The following NUMBL variants were observed in gnomAD, a reference collection of about 807,000 sequenced individuals.
NUMBL encodes the protein NUMB like endocytic adaptor protein.
In NUMBL, 20 loss-of-function variants were observed where a neutral mutation model predicts 48.9. The ratio of observed to expected loss-of-function variants is 0.41; its 90% CI spans 0.29 to 0.59. NUMBL has a LOEUF of 0.59. Among genes scored for constraint, NUMBL ranks in the 20% least tolerant of loss-of-function variants. NUMBL has a pLI of 0.31. For missense variants in NUMBL, 660 were observed against 846.2 expected, an observed-to-expected ratio of 0.78 and a Z score of 2.73; for synonymous variants, 340 against 348.7, an observed-to-expected ratio of 0.98 and a Z score of 0.28.
At position 40,675,088 on chromosome 19, in the gene NUMBL, A is replaced by G. The variant is rs956326237; in HGVS notation, c.731-1439T>C. Among the ~76,000 whole-genome samples, 3 of 134,582 alleles carry G rather than the reference A, an allele frequency of 2.2e-5. No homozygotes were observed. In the South Asian group the frequency reaches 7.7e-4, roughly 35 times the overall value. The allele number at this position is 134,582 out of a possible 152,430, so 88.3% of individuals were successfully genotyped here. A position where few individuals can be genotyped will look rare whatever the true frequency, so the allele number is the denominator to read the frequency against. On this transcript the variant is annotated intron_variant, in intron 7 of 9. Coordinates refer to ENST00000252891, the MANE Select transcript of NUMBL (RefSeq NM_004756.5). ...AACCCGGGAGGCAGAGGTTGCAGTG[A>G]GCCGAGATCGCACCATTGCACTCCA... is the stretch of plus-strand genomic sequence containing the variant.
rs766397374 is a variant in NUMBL at position 40,684,472 on chromosome 19, T to C, written c.194A>G (p.Gln65Arg). 1 of 1,590,070 alleles carries C rather than the reference T, an allele frequency of 6.3e-7. No homozygotes were observed. Among genetic ancestry groups the C allele is most frequent in the Non-Finnish European group, 8.6e-7 (1 of 1,169,296 alleles). Reference protein sequence around the residue: ...AYVPEASRPHQWQADEDAVRK... With the variant: ...AYVPEASRPHRWQADEDAVRK... ...CACCGCGTCCTCGTCTGCCTGCCAC[T>C]GGTGCGGGCGCGACGCCTCGGGCAC... The change falls in exon 3 of 10, where the codon CAG (glutamine) becomes CGG (arginine). Residue 65 changes from glutamine to arginine, a missense_variant. Physicochemically the swap from Gln to Arg is conservative, Grantham distance 43. Transcript: ENST00000252891.
chr19:40,684,325 G>A (rs2081921989), intron 3 of NUMBL, 92 bp downstream of exon 3: 13 of 1,384,750 alleles, frequency 9.4e-6, no homozygotes, highest in Non-Finnish European at 1.1e-5. Flanking sequence ...AAACGACTTG[G>A]GCTGGTGTCC....
chr19:40,684,153 C>A, intron 3 of NUMBL: 1 of 385,246 alleles, frequency 2.6e-6, no homozygotes, highest in Non-Finnish European at 4.7e-6. Flanking sequence ...ACTGCAATCT[C>A]CGCCTCCCGG....
intron 6 of NUMBL, among the ~76,000 whole-genome samples, chr19:40,678,556 C>T (rs561353214): frequency 6.6e-6 from 1 of 152,236 alleles, no homozygotes; most frequent in Admixed American, 6.5e-5. Flanking sequence ...ATCTGCAAAC[C>T]AGGAAAAGAG....
At chr19:40,668,483 T>C (rs966443930) in intron 9 of NUMBL, among the ~76,000 whole-genome samples, 1 of 152,134 alleles carries the variant, frequency 6.6e-6, no homozygotes, top group African/African-American at 2.4e-5. Context: ...TTGTTGTCTG[T>C]TCGTTTTGAG....
rs1273559488 is a variant in NUMBL, at chr19:40,690,574, C to G, written c.-91G>C. ...GCGGTGGTGGCGGCGGCAGCTCGGT[C>G]TGACGCCGGCCAGGGCCCGGGGCCG... On this transcript the variant is annotated 5_prime_UTR_variant, in exon 1 of 10. Coordinates refer to ENST00000252891, the MANE Select transcript of NUMBL (RefSeq NM_004756.5). 1.3e-6 allele frequency: 1 copy of G among 783,646 alleles called. No individual in the cohort carries two copies. Among genetic ancestry groups the G allele is most frequent in the Non-Finnish European group, 1.7e-6 (1 of 583,166 alleles). The allele number at this position is 783,646 out of a possible 1,614,324, so 48.5% of individuals were successfully genotyped here. A position where few individuals can be genotyped will look rare whatever the true frequency, so the allele number is the denominator to read the frequency against.
intron 3 of NUMBL, 101 bp from the exon 4 acceptor site, chr19:40,683,069 G>T: frequency 9.7e-7 from 1 of 1,028,944 alleles, no homozygotes; most frequent in Non-Finnish European, 1.5e-6. Flanking sequence ...AATATTTTAA[G>T]CACATGATGT....
At chr19:40,681,952 C>T (rs972510983) in intron 5 of NUMBL, among the ~76,000 whole-genome samples, 14 of 152,006 alleles carry the variant, frequency 9.2e-5, no homozygotes, top group Non-Finnish European at 1.5e-4. Flanking sequence ...GGATTACAGG[C>T]GTGAGCCACC....
In NUMBL at chr19:40,667,528, T is replaced by C. The variant is rs781286215; in HGVS notation, c.1770A>G (p.Val590=). ...CAGAAAAGGGGTTGGAGGGTTTCTCTACAGTGGCTTTGCCTTCTAATGCCG... is the reference window on the plus strand; with the variant it reads ...CAGAAAAGGGGTTGGAGGGTTTCTCCACAGTGGCTTTGCCTTCTAATGCCG... ...QWAALEGKAT[V]EKPSNPFSGD... Residue 590 remains valine, a synonymous_variant, in exon 10 of 10, where the codon GTA becomes GTG. Transcript: ENST00000252891. This position sits in a 1 kb window ranked among gnomAD's most constrained non-coding sequence, Gnocchi z 6.1. The C allele has an allele frequency of 1.0e-4, 158 of 1,581,440 alleles. No homozygotes were observed. Among genetic ancestry groups the C allele is most frequent in the Admixed American group, 3.5e-4 (19 of 54,226 alleles).
chr19:40,680,824 T>C (rs2081901274), intron 6 of NUMBL, 93 bp downstream of exon 6: 1 of 1,360,772 alleles, frequency 7.3e-7, no homozygotes, highest in African/African-American at 1.4e-5. Flanking sequence ...ACACAGAGGT[T>C]AGTGATGTGC....
In NUMBL at chr19:40,682,870, CCTCATGGCAGCCCCCTCA is replaced by C. The variant is rs745396519; in HGVS notation, c.324+6_324+23del. On this transcript the variant is annotated splice_donor_region_variant and intron_variant, in intron 4 of 9. Coordinates refer to ENST00000252891, the MANE Select transcript of NUMBL (RefSeq NM_004756.5). This position sits in a 1 kb window ranked among gnomAD's most constrained non-coding sequence, Gnocchi z 4.0. ...TCTCCCTGTCTGACCTTGCCCCCTC[CCTCATGGCAGCCCCCTCA>C]CTCACCGCCTTCAGCTTCTTCACCG... is the stretch of plus-strand genomic sequence containing the variant. 2 of 1,613,958 alleles carry C rather than the reference CCTCATGGCAGCCCCCTCA, an allele frequency of 1.2e-6. No individual in the cohort carries two copies. The highest frequency in any genetic ancestry group is 2.7e-5 in the African/African-American group (2 of 74,878).
At chr19:40,681,426 T>C (rs1414991615) in intron 5 of NUMBL, among the ~76,000 whole-genome samples, 2 of 152,094 alleles carry the variant, frequency 1.3e-5, no homozygotes, top group African/African-American at 2.4e-5. Context: ...GAACAGTATT[T>C]TGGGCTGAGG....
intron 6 of NUMBL, among the ~76,000 whole-genome samples, chr19:40,678,092 G>GACAAAATGCT (rs1202844619): frequency 1.3e-5 from 2 of 152,100 alleles, no homozygotes; most frequent in African/African-American, 2.4e-5. Context: ...ATTTGGAGGT[G>GACAAAATGCT]GGCCTTTGAG....
Position 40,686,977 on chromosome 19 carries a change from C to T in NUMBL, c.43G>A (p.Glu15Lys). The T allele has an allele frequency of 6.5e-7, 1 of 1,526,762 alleles. No individual in the cohort carries two copies. The highest frequency in any genetic ancestry group is 8.8e-7 in the Non-Finnish European group (1 of 1,138,222). The allele number at this position is 1,526,762 out of a possible 1,614,324, so 94.6% of individuals were successfully genotyped here. Residue 15 changes from glutamate to lysine, a missense_variant, in exon 2 of 10, where the codon GAG becomes AAG. Physicochemically the swap from Glu to Lys is moderately conservative, Grantham distance 56. Around this residue, in one of 3 missense-constraint regions of NUMBL, gnomAD observed 86 missense variants for 85.9 expected, o/e 1.00. Transcript: ENST00000252891. ...CAGGGGGCTGGGGGCAGGTGCCGCTCAGGCCTCCGGGGTCCGCCCTGCCCG... is the reference window on the plus strand; with the variant it reads ...CAGGGGGCTGGGGGCAGGTGCCGCTTAGGCCTCCGGGGTCCGCCCTGCCCG... ...AAASGGPRRPERHLPPAPCGA... is the reference protein window; with the variant it reads ...AAASGGPRRPKRHLPPAPCGA...
rs529911679 is a variant in NUMBL, at chr19:40,667,814, G to A, written c.1484C>T (p.Pro495Leu). The change falls in exon 10 of 10, where the codon CCG (proline) becomes CTG (leucine). Residue 495 changes from proline to leucine, a missense_variant. Pro to Leu is a moderately conservative substitution (Grantham distance 98). This residue lies in a region of NUMBL where 296 missense variants were observed against 339.7 expected (regional missense o/e 0.87). Transcript: ENST00000252891. This position sits in a 1 kb window ranked among gnomAD's most constrained non-coding sequence, Gnocchi z 6.1. ...GGGCATCGGTGGGTAGCCCAAGCCC[G>A]GGTAGGCGGGCACAAAAGGGGGCTG... ...HMQPPFVPAY[P>L]GLGYPPMPRV... 3.1e-5 allele frequency: 49 copies of A among 1,585,820 alleles called. No individual in the cohort carries two copies. Among genetic ancestry groups the A allele is most frequent in the Admixed American group, 1.4e-4 (8 of 55,736 alleles).
chr19:40,673,056 C>T lies in NUMBL; in HGVS notation c.1036+288G>A, dbSNP rs888111802. Among the ~76,000 whole-genome samples, 39 of 152,206 alleles carry T rather than the reference C, an allele frequency of 2.6e-4. No homozygotes were observed. The highest frequency in any genetic ancestry group is 7.5e-4 in the African/African-American group (31 of 41,442). On this transcript the variant is annotated intron_variant, in intron 8 of 9. Transcript: ENST00000252891. This position sits in a 1 kb window ranked among gnomAD's most constrained non-coding sequence, Gnocchi z 5.9. ...ACTAATCATGATGTGTGTCATCTTT[C>T]TCCTTTTCCTTAACCACACCAGACA...
intron 8 of NUMBL, among the ~76,000 whole-genome samples, chr19:40,672,742 T>C (rs1392190127): frequency 2.0e-5 from 3 of 152,188 alleles, no homozygotes; most frequent in Admixed American, 6.5e-5. Context: ...ACATTGCTAA[T>C]TGATCATGAC....
chr19:40,670,813 G>C (rs934903215), intron 8 of NUMBL, among the ~76,000 whole-genome samples: 7 of 152,122 alleles, frequency 4.6e-5, no homozygotes, highest in Non-Finnish European at 8.8e-5. Flanking sequence ...CGGGTGTGTG[G>C]CGTCCTGATG....
chr19:40,667,179 A>C lies in NUMBL; in HGVS notation c.*289T>G. 1 of 416,870 alleles carries C rather than the reference A, an allele frequency of 2.4e-6. No homozygotes were observed. The highest frequency in any genetic ancestry group is 4.4e-6 in the Non-Finnish European group (1 of 225,706). 25.8% of individuals were successfully genotyped at this position (416,870 alleles called of 1,614,324 possible). ...GTGTGAACCAAGGGCATTCAGTGGG[A>C]TTGTGGCCAACCCCTGTGTCTGGGG... On this transcript the variant is annotated 3_prime_UTR_variant, in exon 10 of 10. Transcript: ENST00000252891. This position sits in a 1 kb window ranked among gnomAD's most constrained non-coding sequence, Gnocchi z 6.1.
Sources: allele counts gnomAD v4.1 joint callset (sites outside exome capture counted in the v4.1 genomes callset), GRCh38; gene constraint gnomAD v4.1.1; regional missense constraint gnomAD v4.1.1; non-coding constraint Gnocchi (gnomAD v3.1); transcripts MANE v1.5; gene names NCBI Gene and HGNC (gene_info 2026-07-23, HGNC 2026-07-21).